Variants in GNE observed in about 807,000 individuals in gnomAD.
GNE encodes glucosamine (UDP-N-acetyl)-2-epimerase/N-acetylmannosamine kinase.
Under a neutral mutation model 61.8 loss-of-function variants are expected in GNE, and 41 were observed. That is an observed-to-expected ratio of 0.66 (90% CI 0.52 to 0.86). The LOEUF is 0.86. GNE is among the 40% of genes least tolerant of loss of function. GNE has a pLI of 0.00. For missense variants in GNE, 608 were observed against 909.1 expected (o/e 0.67, Z 4.26); for synonymous variants, 264 against 326.4 (o/e 0.81, Z 2.06).
rs765027793 is a variant in GNE at position 36,227,410 on chromosome 9, A to C, written c.1119T>G (p.Phe373Leu). The change falls in exon 7 of 12, where the codon TTT becomes TTG. Residue 373 changes from phenylalanine (F) to leucine (L), a missense_variant. Transcript: ENST00000642385. The part of the protein sequence containing the change: ...DGNAVPRILK[F>L]LKSIDLQEPL... ...GCTCTTGAAGATCGATAGATTTGAG[A>C]AACTTCAAAATCCTTGGAACAGCAT... 1 of 1,613,168 alleles carries C rather than the reference A, an allele frequency of 6.2e-7. No homozygotes were observed. Among genetic ancestry groups the C allele is most frequent in the Non-Finnish European group, 8.5e-7 (1 of 1,179,104 alleles).
At position 36,214,934 on chromosome 9, in the gene GNE, T is replaced by C. The variant is rs917794045; in HGVS notation, c.*2431A>G. ...TGAGTCCTTCAGTTTATTTGAACACTGAAACAATATGTTGTAGAAACCTTC... is the reference window on the plus strand; with the variant it reads ...TGAGTCCTTCAGTTTATTTGAACACCGAAACAATATGTTGTAGAAACCTTC... On this transcript the variant is annotated 3_prime_UTR_variant, in exon 12 of 12. Coordinates refer to ENST00000642385, the MANE Select transcript of GNE (RefSeq NM_005476.7). 3 of 152,218 alleles carry C rather than the reference T, an allele frequency of 2.0e-5. No homozygotes were observed. The highest frequency in any genetic ancestry group is 1.3e-4 in the Admixed American group (2 of 15,276). 9.4% of individuals were successfully genotyped at this position (152,218 alleles called of 1,614,324 possible). A position where few individuals can be genotyped will look rare whatever the true frequency, so the allele number is the denominator to read the frequency against.
At position 36,228,716 on chromosome 9, in the gene GNE, C is replaced by T. The variant is rs150970016; in HGVS notation, c.1070+305G>A. Among the ~76,000 whole-genome samples the T allele has an allele frequency of 6.0e-5, 9 of 150,460 alleles. No homozygotes were observed. In the East Asian group the frequency reaches 1.8e-3, roughly 29 times the overall value. On this transcript the variant is annotated intron_variant, in intron 6 of 11. Transcript: ENST00000642385. ...GGCTGAGACAGGAGAATTGCTTGAACCCAGGAGGCGGAGGTTGCAGTGAGC... is the reference window on the plus strand; with the variant it reads ...GGCTGAGACAGGAGAATTGCTTGAATCCAGGAGGCGGAGGTTGCAGTGAGC...
At position 36,222,980 on chromosome 9, in the gene GNE, C is replaced by G; in HGVS notation, c.1430G>C (p.Arg477Pro). The change falls in exon 9 of 12, where the codon CGT (arginine) becomes CCT (proline). Residue 477 changes from arginine to proline, a missense_variant. By Grantham distance (103) the Arg-to-Pro change is moderately radical. Coordinates refer to ENST00000642385, the MANE Select transcript of GNE (RefSeq NM_005476.7). ...ILGVGISTGG[R>P]VNPREGIVLH... is the part of the protein sequence containing the mutation. ...CACAATTCCTTCCCGAGGATTTACA[C>G]GGCCACCTGTGGAAATGCCTGCGCT... 3 of 1,613,848 alleles carry G rather than the reference C, an allele frequency of 1.9e-6. No homozygotes were observed. Among genetic ancestry groups the G allele is most frequent in the Non-Finnish European group, 2.5e-6 (3 of 1,179,988 alleles).
At chr9:36,269,081 G>A (rs1160329767) in intron 1 of GNE, among the ~76,000 whole-genome samples, 2 of 146,636 alleles carry the variant, frequency 1.4e-5, no homozygotes, top group East Asian at 4.0e-4. Context: ...AGTGAGCCAA[G>A]TTCTTGCCAC....
At chr9:36,221,018 G>A (rs754152132) in intron 9 of GNE, among the ~76,000 whole-genome samples, 25 of 152,216 alleles carry the variant, frequency 1.6e-4, no homozygotes, top group Non-Finnish European at 2.4e-4. Context: ...GGATGAGCAT[G>A]AGCTAAAGTA....
chr9:36,223,913 G>A (rs991405535), intron 7 of GNE, among the ~76,000 whole-genome samples: 16 of 151,986 alleles, frequency 1.1e-4, no homozygotes, highest in East Asian at 3.9e-4. Context: ...CACCACGCCC[G>A]GCTAATTTTT....
upstream of GNE, among the ~76,000 whole-genome samples, chr9:36,261,544 C>A (rs1291038007): frequency 7.2e-6 from 1 of 138,700 alleles, no homozygotes; most frequent in Non-Finnish European, 1.5e-5. Context: ...CAGAGTGAGA[C>A]TCCGTCTCAA....
upstream of GNE, among the ~76,000 whole-genome samples, chr9:36,258,869 C>T (rs542848139): frequency 3.3e-5 from 5 of 152,262 alleles, no homozygotes; most frequent in East Asian, 9.7e-4. Flanking sequence ...CCACAGCGGT[C>T]CCTGACGTTA....
chr9:36,244,727 G>A (rs11791937), intron 3 of GNE, among the ~76,000 whole-genome samples: 5,303 of 151,096 alleles, frequency 0.035, 144 homozygotes, highest in Non-Finnish European at 0.055. Flanking sequence ...TATGAGGTCA[G>A]GAGTTTGAGA....
rs147810579 is a variant in GNE at position 36,265,100 on chromosome 9, A to G, written c.51+11794T>C. 5.5e-3 allele frequency: 1,666 copies of G among 302,230 alleles called. 26 individuals carry two copies. The highest frequency in any genetic ancestry group is 0.034 in the African/African-American group (1,556 of 46,072). The allele number at this position is 302,230 out of a possible 1,614,324, so 18.7% of individuals were successfully genotyped here. On this transcript the variant is annotated intron_variant, in intron 1 of 11. Transcript: ENST00000396594. Reference sequence around the variant, plus strand: ...AGGGTGTCTGCTGTGCTCCTGATCCAGCGAGGCGCCCACTGCTGCTCCCGA... The same window carrying G: ...AGGGTGTCTGCTGTGCTCCTGATCCGGCGAGGCGCCCACTGCTGCTCCCGA...
At position 36,229,011 on chromosome 9, in the gene GNE, T is replaced by G; in HGVS notation, c.1070+10A>C. The G allele has an allele frequency of 6.7e-7, 1 of 1,500,554 alleles. No homozygotes were observed. Among genetic ancestry groups the G allele is most frequent in the South Asian group, 1.1e-5 (1 of 88,724 alleles). The allele number at this position is 1,500,554 out of a possible 1,614,324, so 93.0% of individuals were successfully genotyped here. A position where few individuals can be genotyped will look rare whatever the true frequency, so the allele number is the denominator to read the frequency against. ...TTTAAATCACTCAACAAAGAATGTT[T>G]TATACTCACCAAGGGTACTGTTTAC... On this transcript the variant is annotated intron_variant, in intron 6 of 11. Coordinates refer to ENST00000642385, the MANE Select transcript of GNE (RefSeq NM_005476.7).
intron 1 of GNE, among the ~76,000 whole-genome samples, chr9:36,271,685 A>G (rs1831033534): frequency 1.3e-5 from 2 of 152,066 alleles, no homozygotes; most frequent in South Asian, 2.1e-4. Context: ...CAAACTTATT[A>G]TTAGTTATAC....
At chr9:36,264,259 A>G (rs577814831) in intron 1 of GNE, among the ~76,000 whole-genome samples, 1 of 152,104 alleles carries the variant, frequency 6.6e-6, no homozygotes, top group Admixed American at 6.5e-5. Flanking sequence ...CAGCTTCCCA[A>G]GTAATTGGGA....
In GNE at chr9:36,223,490, TA is replaced by T; in HGVS notation, c.1293del (p.Lys432ArgfsTer17). 6.2e-7 allele frequency: 1 copy of T among 1,610,312 alleles called. No individual in the cohort carries two copies. The highest frequency in any genetic ancestry group is 8.5e-7 in the Non-Finnish European group (1 of 1,177,456). ...VAIVSMKGEI[V>X]KKYTQFNPKT... Reference sequence around the variant, plus strand: ...TTAGGATTGAACTGAGTATACTTCTTAACTATTTCACCCTAAAAGAGAAAAC... The same window carrying T: ...TTAGGATTGAACTGAGTATACTTCTTACTATTTCACCCTAAAAGAGAAAAC... On this transcript the variant is annotated frameshift_variant, in exon 8 of 12. Coordinates refer to ENST00000642385, the MANE Select transcript of GNE (RefSeq NM_005476.7). LOFTEE classifies it high-confidence loss of function.
chr9:36,255,978 G>A (rs1167282140), intron 1 of GNE, among the ~76,000 whole-genome samples: 1 of 152,170 alleles, frequency 6.6e-6, no homozygotes, highest in Non-Finnish European at 1.5e-5. Context: ...AGGCTGGAGT[G>A]CAGTGACATG....
chr9:36,244,872 G>A (rs1318718629), intron 3 of GNE, among the ~76,000 whole-genome samples: 2 of 151,392 alleles, frequency 1.3e-5, no homozygotes, highest in East Asian at 3.9e-4. Flanking sequence ...CCCGGGAAGT[G>A]GAGGTTGCAG....
chr9:36,223,539 T>G lies in GNE; in HGVS notation c.1282-37A>C, dbSNP rs372341828. 2.0e-4 allele frequency: 312 copies of G among 1,581,768 alleles called. 2 individuals carry two copies. In the African/African-American group the frequency reaches 3.3e-3, roughly 17 times the overall value. The stretch of plus-strand genomic sequence containing the variant: ...AACAACAAGTTCCGTCTTACTGGTC[T>G]TAGCTAAGCAGCATATTGTGAGTGT... On this transcript the variant is annotated intron_variant, in intron 7 of 11. Coordinates refer to ENST00000642385, the MANE Select transcript of GNE (RefSeq NM_005476.7).
chr9:36,265,322 A>T (rs1830738850), intron 1 of GNE: 1 of 446,080 alleles, frequency 2.2e-6, no homozygotes, highest in Non-Finnish European at 4.6e-6. Flanking sequence ...AGAGAACGAG[A>T]GGCTTGCTGC....
intron 4 of GNE, 35 bp downstream of exon 4, chr9:36,236,797 G>GT: frequency 6.3e-7 from 1 of 1,597,780 alleles, no homozygotes; most frequent in Non-Finnish European, 8.6e-7. Context: ...ATTGGGAAAA[G>GT]TAGGTGGCAT....
Sources: gnomAD v4.1 joint callset for allele counts (sites outside exome capture counted in the v4.1 genomes callset) on GRCh38, gnomAD v4.1.1 for gene constraint, MANE v1.5 for transcripts, NCBI Gene and HGNC (gene_info 2026-07-23, HGNC 2026-07-21) for gene names.